Variants in SCAPER observed in about 807,000 individuals in gnomAD.
SCAPER encodes S phase cyclin A-associated protein in the endoplasmic reticulum.
A neutral mutation model predicts 182.2 loss-of-function variants in SCAPER; 98 were observed. The observed-to-expected ratio is 0.54, with a 90% CI of 0.46 to 0.64. SCAPER has a LOEUF of 0.64. Ranked by LOEUF, SCAPER falls within the 30% of genes least tolerant of loss-of-function variation. The pLI is 0.00. For synonymous variants in SCAPER, 605 were observed against 564.6 expected (o/e 1.07, Z -1.01); for missense variants, 1,432 against 1,690.0 (o/e 0.85, Z 2.68).
intron 23 of SCAPER, among the ~76,000 whole-genome samples, chr15:76,570,541 A>G (rs1360634944): frequency 8.9e-6 from 1 of 111,856 alleles, no homozygotes; most frequent in African/African-American, 2.8e-5. Context: ...ACCTGTCACT[A>G]TTGCTAAGTC....
At chr15:76,721,241 T>A (rs1032030389) in intron 17 of SCAPER, among the ~76,000 whole-genome samples, 2 of 152,200 alleles carry the variant, frequency 1.3e-5, no homozygotes, top group African/African-American at 4.8e-5. Context: ...GTTGTAGATA[T>A]GCGGCATTAT....
intron 5 of SCAPER, among the ~76,000 whole-genome samples, chr15:76,812,806 C>T (rs755540143): frequency 6.6e-6 from 1 of 151,598 alleles, no homozygotes; most frequent in Non-Finnish European, 1.5e-5. Flanking sequence ...CAAAAACTTC[C>T]CAATGAAGAA....
intron 25 of SCAPER, among the ~76,000 whole-genome samples, chr15:76,459,745 CCTAGA>C (rs1475021399): frequency 6.6e-6 from 1 of 152,036 alleles, no homozygotes; most frequent in African/African-American, 2.4e-5. Flanking sequence ...AAAATCTTTG[CCTAGA>C]CTAATGTCCA....
chr15:76,480,954 A>T (rs1218766251), intron 24 of SCAPER, among the ~76,000 whole-genome samples: 1 of 152,054 alleles, frequency 6.6e-6, no homozygotes, highest in African/African-American at 2.4e-5. Context: ...GATGGTCTCG[A>T]TCTCCTGACC....
chr15:76,604,924 G>C (rs988555628), intron 22 of SCAPER, among the ~76,000 whole-genome samples: 1 of 151,964 alleles, frequency 6.6e-6, no homozygotes, highest in Non-Finnish European at 1.5e-5. Flanking sequence ...AGGAGATTTT[G>C]GGCTGAGACG....
At chr15:76,646,776 T>C (rs1597903002) in intron 21 of SCAPER, among the ~76,000 whole-genome samples, 3 of 152,374 alleles carry the variant, frequency 2.0e-5, no homozygotes, top group Admixed American at 2.0e-4. Flanking sequence ...TATAGGTCCC[T>C]ACTAATTAAT....
chr15:76,828,055 A>G (rs1017662100), intron 5 of SCAPER, among the ~76,000 whole-genome samples: 1 of 152,076 alleles, frequency 6.6e-6, no homozygotes, highest in Non-Finnish European at 1.5e-5. Context: ...AAGAGGAGAA[A>G]GAGAGGCCTG....
chr15:76,350,699 G>GA (rs1024736044), intron 31 of SCAPER: 41 of 149,742 alleles, frequency 2.7e-4, no homozygotes, highest in East Asian at 1.4e-3. Context: ...AATGCTATAG[G>GA]AAAAAAAAAC....
At chr15:76,445,374 C>T (rs1048649812) in intron 25 of SCAPER, among the ~76,000 whole-genome samples, 2 of 152,120 alleles carry the variant, frequency 1.3e-5, no homozygotes, top group African/African-American at 4.8e-5. Flanking sequence ...TTTCCTGGTT[C>T]TTTCTATGAT....
At chr15:76,802,266 G>A (rs2065855178) in intron 6 of SCAPER, among the ~76,000 whole-genome samples, 3 of 152,146 alleles carry the variant, frequency 2.0e-5, no homozygotes, top group African/African-American at 7.2e-5. Flanking sequence ...ATTAGACCCG[G>A]TATAGGCTCT....
chr15:76,882,228 C>T (rs1490422333), intron 2 of SCAPER, among the ~76,000 whole-genome samples: 5 of 151,776 alleles, frequency 3.3e-5, no homozygotes, highest in East Asian at 3.9e-4. Context: ...AAGACCCTAT[C>T]GCTACAAAAA....
intron 29 of SCAPER, among the ~76,000 whole-genome samples, chr15:76,362,123 C>T (rs1003730812): frequency 1.3e-5 from 2 of 151,988 alleles, no homozygotes; most frequent in African/African-American, 2.4e-5. Context: ...CAGGCACCCA[C>T]CACCATACCC....
chr15:76,430,649 T>C (rs1275917947), intron 26 of SCAPER, among the ~76,000 whole-genome samples: 1 of 152,272 alleles, frequency 6.6e-6, no homozygotes, highest in Non-Finnish European at 1.5e-5. Flanking sequence ...GCCCAATGCC[T>C]GTACCTCCAT....
rs1271578062 is a variant in SCAPER, at chr15:76,862,483, T to C, written c.57A>G (p.Ala19=). 3.7e-6 allele frequency: 6 copies of C among 1,613,334 alleles called. No homozygotes were observed. Among genetic ancestry groups the C allele is most frequent in the Non-Finnish European group, 4.2e-6 (5 of 1,179,656 alleles). ...GGTTTCTTGCTGTACGACCCTCCTC[T>C]GCAACTATTCTCCTTACTTTGTCAT... ...NSHDKVRRIV[A]EEGRTARNLI... Residue 19 remains alanine, a synonymous_variant, in exon 3 of 32, where the codon GCA becomes GCG. Coordinates refer to ENST00000563290, the MANE Select transcript of SCAPER (RefSeq NM_020843.4).
intron 5 of SCAPER, among the ~76,000 whole-genome samples, chr15:76,813,331 A>G (rs1382470158): frequency 6.6e-6 from 1 of 151,666 alleles, no homozygotes; most frequent in Non-Finnish European, 1.5e-5. Context: ...AACAGCTAAC[A>G]TCATAATCAA....
chr15:76,707,649 A>C (rs1227734461), intron 17 of SCAPER, among the ~76,000 whole-genome samples: 3 of 152,206 alleles, frequency 2.0e-5, no homozygotes, highest in Non-Finnish European at 4.4e-5. Flanking sequence ...ACACAGTTCA[A>C]CTTATATTTG....
chr15:76,354,126 G>C lies in SCAPER; in HGVS notation c.3870C>G (p.Ser1290=), dbSNP rs764234123. Residue 1290 remains serine (S), a synonymous_variant, in exon 30 of 32, where the codon TCC becomes TCG. Coordinates refer to ENST00000563290, the MANE Select transcript of SCAPER (RefSeq NM_020843.4). This position sits in a 1 kb window ranked among gnomAD's most constrained non-coding sequence, Gnocchi z 4.4. ...TCTGCAGCACTGTGGGGTGGCGGCCGGACTGCACGATCACCTGAAATGGAA... is the reference window on the plus strand; with the variant it reads ...TCTGCAGCACTGTGGGGTGGCGGCCCGACTGCACGATCACCTGAAATGGAA... The part of the protein sequence containing the change: ...NHPDNQVIVQ[S]GRHPTVLQKL... 1.2e-6 allele frequency: 2 copies of C among 1,604,038 alleles called. No homozygotes were observed. Among genetic ancestry groups the C allele is most frequent in the Admixed American group, 3.5e-5 (2 of 57,422 alleles).
chr15:76,381,391 A>G lies in SCAPER; in HGVS notation c.3692T>C (p.Leu1231Pro), dbSNP rs1407404460. The change falls in exon 28 of 32, where the codon CTG becomes CCG. Residue 1231 changes from leucine (L) to proline (P), a missense_variant. Leu to Pro is a moderately conservative substitution (Grantham distance 98, BLOSUM62 -3). Transcript: ENST00000563290. ...AATACTTGGTACCTGAAAAGCAGGC[A>G]GATGAAGAGCTGCAAAGCTGTTGAA... ...RFFNSFAALH[L>P]PAFQSIVGAE... 4.3e-6 allele frequency: 7 copies of G among 1,613,020 alleles called. No homozygotes were observed.
At chr15:76,778,230 G>C (rs2063862954) in intron 8 of SCAPER, among the ~76,000 whole-genome samples, 1 of 152,218 alleles carries the variant, frequency 6.6e-6, no homozygotes, top group Non-Finnish European at 1.5e-5. Context: ...AGTGCTCGAT[G>C]TATACAGATA....
Sources: allele counts gnomAD v4.1 joint callset (sites outside exome capture counted in the v4.1 genomes callset), GRCh38; gene constraint gnomAD v4.1.1; non-coding constraint Gnocchi (gnomAD v3.1); transcripts MANE v1.5; gene names NCBI Gene and HGNC (gene_info 2026-07-23, HGNC 2026-07-21).